The following KAZN variants were observed in gnomAD, a reference collection of about 807,000 sequenced individuals.
The protein encoded by KAZN is kazrin, periplakin interacting protein.
In KAZN, 40 loss-of-function variants were observed where a neutral mutation model predicts 87.4. The ratio of observed to expected loss-of-function variants is 0.46; its 90% confidence interval spans 0.36 to 0.60. The LOEUF (loss-of-function observed/expected upper bound fraction) is 0.60, where lower values mean the gene tolerates loss of function less well. Among genes scored for constraint, KAZN ranks in the 20% least tolerant of loss-of-function variants. The pLI, the probability that KAZN is intolerant of heterozygous loss-of-function variation, is 0.00. For synonymous variants in KAZN, 466 were observed against 458.3 expected (o/e 1.02, Z -0.22); for missense variants, 898 against 1,073.9 (o/e 0.84, Z 2.29).
At position 14,495,515 on chromosome 1, in the gene KAZN, A is replaced by T. The variant is rs930892949; in HGVS notation, c.250-103468A>T. On this transcript the variant is annotated intron_variant, in intron 2 of 16. Coordinates refer to the KAZN transcript ENST00000636203. ...TTCATGCTCCTTTCCTTTCTGGTAG[A>T]TGAGGCACACTGGAATAATTTAAAT... Among the ~76,000 whole-genome samples the T allele has an allele frequency of 7.2e-5, 11 of 152,284 alleles. No individual in the cohort carries two copies. In the East Asian group the frequency reaches 1.9e-3, roughly 27 times the overall value.
intron 2 of KAZN, among the ~76,000 whole-genome samples, chr1:14,365,571 C>A (rs1401974995): frequency 6.6e-6 from 1 of 152,142 alleles, no homozygotes; most frequent in Non-Finnish European, 1.5e-5. Flanking sequence ...GTTTTGCAAC[C>A]TCGGCACTAC....
chr1:14,228,684 C>T (rs1033402385), intron 2 of KAZN, among the ~76,000 whole-genome samples: 1 of 152,162 alleles, frequency 6.6e-6, no homozygotes, highest in African/African-American at 2.4e-5. Context: ...ATCTCATCTT[C>T]TTTGGGAAGG....
intron 2 of KAZN, among the ~76,000 whole-genome samples, chr1:15,016,622 C>T (rs2102127310): frequency 6.6e-6 from 1 of 152,240 alleles, no homozygotes; most frequent in South Asian, 2.1e-4. Context: ...CAGATTGTGG[C>T]AATGTGTTAC....
At chr1:14,832,775 G>C (rs555411815) in intron 1 of KAZN, among the ~76,000 whole-genome samples, 3 of 152,068 alleles carry the variant, frequency 2.0e-5, no homozygotes, top group Non-Finnish European at 4.4e-5. Flanking sequence ...CACAACCTAA[G>C]AATGCTATTC....
At chr1:14,165,771 T>C (rs1645811893) in intron 1 of KAZN, among the ~76,000 whole-genome samples, 1 of 152,228 alleles carries the variant, frequency 6.6e-6, no homozygotes, top group African/African-American at 2.4e-5. Context: ...TCTTTGGCTC[T>C]GACTACAGTG....
intron 2 of KAZN, among the ~76,000 whole-genome samples, chr1:14,467,549 C>T (rs796773640): frequency 1.3e-4 from 20 of 151,454 alleles, no homozygotes; most frequent in African/African-American, 4.8e-4. Context: ...AGCAGAGTGG[C>T]TTTTTTAAAC....
intron 2 of KAZN, among the ~76,000 whole-genome samples, chr1:14,483,113 C>T (rs1295409636): frequency 1.3e-5 from 2 of 152,170 alleles, no homozygotes; most frequent in East Asian, 1.9e-4. Context: ...TGATTTTGCT[C>T]CCATCCAAGT....
chr1:15,031,408 G>A (rs1392346875), intron 2 of KAZN, among the ~76,000 whole-genome samples: 2 of 152,230 alleles, frequency 1.3e-5, no homozygotes, highest in South Asian at 2.1e-4. Flanking sequence ...AGGACGGAGT[G>A]CTAGGGGTCT....
At chr1:14,862,937 C>CAA (rs1387050504) in intron 1 of KAZN, among the ~76,000 whole-genome samples, 1 of 152,114 alleles carries the variant, frequency 6.6e-6, no homozygotes, top group African/African-American at 2.4e-5. Flanking sequence ...CAATGTTGTA[C>CAA]CCATGGTACA....
intron 1 of KAZN, among the ~76,000 whole-genome samples, chr1:14,883,380 AAAG>A (rs1305697275): frequency 8.4e-6 from 1 of 119,624 alleles, no homozygotes; most frequent in Non-Finnish European, 1.7e-5. Flanking sequence ...AGAAAGAAAG[AAAG>A]AAAGAAAGAA....
chr1:14,772,996 C>T (rs954339681), intron 1 of KAZN, among the ~76,000 whole-genome samples: 1 of 152,076 alleles, frequency 6.6e-6, no homozygotes, highest in Non-Finnish European at 1.5e-5. Flanking sequence ...GGTTCCCCAC[C>T]AGCCAAGAGA....
At chr1:14,804,717 C>T (rs1215423551) in intron 1 of KAZN, among the ~76,000 whole-genome samples, 4 of 152,186 alleles carry the variant, frequency 2.6e-5, no homozygotes, top group Non-Finnish European at 5.9e-5. Context: ...TCTGAAAATG[C>T]ACAGATACAG....
At chr1:13,938,313 G>A (rs894625733) in intron 1 of KAZN, among the ~76,000 whole-genome samples, 1 of 151,982 alleles carries the variant, frequency 6.6e-6, no homozygotes, top group Non-Finnish European at 1.5e-5. Flanking sequence ...TCTTGATTTG[G>A]TTCTCTGCTT....
intron 1 of KAZN, among the ~76,000 whole-genome samples, chr1:14,728,291 A>T (rs1225851271): frequency 3.7e-4 from 27 of 73,374 alleles, no homozygotes; most frequent in East Asian, 1.7e-3. Flanking sequence ...CGTATATATA[A>T]AAAAAAAAAA....
At chr1:14,964,842 A>G (rs1420196687) in intron 2 of KAZN, among the ~76,000 whole-genome samples, 3 of 152,170 alleles carry the variant, frequency 2.0e-5, no homozygotes, top group African/African-American at 7.2e-5. Flanking sequence ...TCAAGCAGGC[A>G]CCCAAAACAT....
intron 2 of KAZN, among the ~76,000 whole-genome samples, chr1:14,365,364 G>A (rs1340404856): frequency 8.7e-5 from 2 of 23,094 alleles, no homozygotes; most frequent in East Asian, 1.8e-3. Flanking sequence ...CCCTCCCCCC[G>A]GGGTGGGGGG....
intron 2 of KAZN, among the ~76,000 whole-genome samples, chr1:14,444,005 C>G (rs1666838739): frequency 6.6e-6 from 1 of 152,124 alleles, no homozygotes; most frequent in Non-Finnish European, 1.5e-5. Flanking sequence ...AGTTATAAAA[C>G]AAGGAATCTG....
In KAZN at chr1:14,481,661, G is replaced by T. The variant is rs1571758035; in HGVS notation, c.250-117322G>T. 2.6e-5 allele frequency among the ~76,000 whole-genome samples: 4 copies of T among 151,052 alleles called. 1 individual carries two copies. The Middle Eastern group carries it at 0.014, about 514-fold the overall frequency. On this transcript the variant is annotated intron_variant, in intron 2 of 16. Coordinates refer to the KAZN transcript ENST00000636203. ...GTGAATAATTTATCAAGTACTTATT[G>T]TGGTTCTTGATTGTTTAGGCAAAAA...
intron 1 of KAZN, among the ~76,000 whole-genome samples, chr1:14,710,652 G>T (rs1642436366): frequency 6.6e-6 from 1 of 152,174 alleles, no homozygotes; most frequent in Non-Finnish European, 1.5e-5. Context: ...CTCACTTCCT[G>T]CAGGGTTCTG....
Sources: gnomAD v4.1 joint callset for allele counts (sites outside exome capture counted in the v4.1 genomes callset) on GRCh38, gnomAD v4.1.1 for gene constraint, MANE v1.5 for transcripts, NCBI Gene and HGNC (gene_info 2026-07-23, HGNC 2026-07-21) for gene names.